Variants in ARPP21 observed in about 807,000 individuals in gnomAD.
ARPP21 encodes cAMP-regulated phosphoprotein 21.
Under a neutral mutation model 113.2 loss-of-function variants are expected in ARPP21, and 69 were observed. The ratio of observed to expected loss-of-function variants is 0.61; its 90% confidence interval spans 0.50 to 0.74. ARPP21 has a LOEUF of 0.74. ARPP21 is among the 30% of genes least tolerant of loss of function. ARPP21 has a pLI of 0.00. For missense variants in ARPP21, 1,070 were observed against 1,037.4 expected (o/e 1.03, Z -0.43); for synonymous variants, 368 against 375.5 (o/e 0.98, Z 0.23).
intron 1 of ARPP21, among the ~76,000 whole-genome samples, chr3:35,660,643 A>T (rs7630097): frequency 1.9e-3 from 285 of 152,286 alleles, no homozygotes; most frequent in African/African-American, 6.6e-3. Context: ...TAAGATAATG[A>T]CTAACTTCAT....
At chr3:35,791,354 A>G (rs1423242430) in intron 19 of ARPP21, among the ~76,000 whole-genome samples, 1 of 152,188 alleles carries the variant, frequency 6.6e-6, no homozygotes, top group African/African-American at 2.4e-5. Flanking sequence ...CTCTCAGAGA[A>G]TTGTATTAAG....
At chr3:35,751,450 T>C (rs983447812) in intron 19 of ARPP21, among the ~76,000 whole-genome samples, 1 of 152,128 alleles carries the variant, frequency 6.6e-6, no homozygotes, top group Non-Finnish European at 1.5e-5. Flanking sequence ...TGATTTAATG[T>C]ACCTCTGTTC....
intron 19 of ARPP21, among the ~76,000 whole-genome samples, chr3:35,791,654 C>T (rs1173873272): frequency 6.6e-6 from 1 of 152,012 alleles, no homozygotes; most frequent in Non-Finnish European, 1.5e-5. Flanking sequence ...AACTGACCCA[C>T]CCAGAAAGAC....
intron 19 of ARPP21, chr3:35,744,577 C>T: frequency 2.0e-6 from 1 of 512,702 alleles, no homozygotes; most frequent in Non-Finnish European, 4.0e-6. Context: ...TAATGGAATG[C>T]CGTTATCCAA....
intron 5 of ARPP21, among the ~76,000 whole-genome samples, chr3:35,687,289 A>G (rs184052325): frequency 3.3e-5 from 5 of 151,076 alleles, no homozygotes; most frequent in Admixed American, 2.0e-4. Context: ...TGTCTGTTCT[A>G]TTTGTAATTA....
intron 19 of ARPP21, among the ~76,000 whole-genome samples, chr3:35,750,443 T>A (rs944701298): frequency 6.6e-6 from 1 of 152,168 alleles, no homozygotes; most frequent in Non-Finnish European, 1.5e-5. Flanking sequence ...TCTGTATGAT[T>A]TCAGTTCTTA....
chr3:35,793,466 C>A (rs1303518508), intron 20 of ARPP21, among the ~76,000 whole-genome samples: 3 of 152,186 alleles, frequency 2.0e-5, no homozygotes. Flanking sequence ...TACACCATCC[C>A]TTCAATCCTT....
At chr3:35,750,534 A>G (rs2095364407) in intron 19 of ARPP21, among the ~76,000 whole-genome samples, 1 of 152,156 alleles carries the variant, frequency 6.6e-6, no homozygotes, top group African/African-American at 2.4e-5. Context: ...AACACTGGGT[A>G]TTCTGTGGTT....
chr3:35,737,323 G>A lies in ARPP21; in HGVS notation c.1605G>A (p.Gln535=). 6.2e-7 allele frequency: 1 copy of A among 1,611,612 alleles called. No homozygotes were observed. Among genetic ancestry groups the A allele is most frequent in the South Asian group, 1.1e-5 (1 of 90,632 alleles). Residue 535 remains glutamine, a synonymous_variant, in exon 16 of 21, where the codon CAG becomes CAA. Transcript: ENST00000684406. ...QPSPQPQQQV[Q]PPQPQMAGPL... ...CCCCGCAGCCCCAACAGCAGGTCCA[G>A]CCACCGCAGCCACAGATGGCAGGCC...
intron 19 of ARPP21, among the ~76,000 whole-genome samples, chr3:35,791,438 C>T (rs566232185): frequency 1.3e-5 from 2 of 152,110 alleles, no homozygotes; most frequent in African/African-American, 4.8e-5. Context: ...TATTATACAG[C>T]ATAAAATGAA....
intron 11 of ARPP21, among the ~76,000 whole-genome samples, chr3:35,709,667 T>C (rs2090415582): frequency 1.3e-5 from 2 of 152,132 alleles, no homozygotes. Flanking sequence ...TTACCCACTA[T>C]GGTCAAGATA....
chr3:35,647,808 T>C (rs1428308905), intron 1 of ARPP21, among the ~76,000 whole-genome samples: 2 of 152,176 alleles, frequency 1.3e-5, no homozygotes, highest in East Asian at 3.9e-4. Flanking sequence ...AACAACTTGC[T>C]AGTTGTGTGA....
intron 11 of ARPP21, 45 bp downstream of exon 11, chr3:35,709,115 A>C: frequency 7.6e-7 from 1 of 1,318,900 alleles, no homozygotes; most frequent in Non-Finnish European, 1.1e-6. Flanking sequence ...TCCTTCCAAC[A>C]GCAGTAAGGC....
chr3:35,673,729 G>A (rs547390819), intron 1 of ARPP21, among the ~76,000 whole-genome samples: 3 of 151,834 alleles, frequency 2.0e-5, no homozygotes, highest in South Asian at 4.2e-4. Context: ...AACTTTCTTT[G>A]AGAAAGGTTT....
rs540747788 is a variant in ARPP21, at chr3:35,668,373, AAT to A, written c.-212-11413_-212-11412del. Among the ~76,000 whole-genome samples, 33 of 152,210 alleles carry A rather than the reference AAT, an allele frequency of 2.2e-4. No individual in the cohort carries two copies. In the South Asian group the frequency reaches 5.8e-3, roughly 27 times the overall value. On this transcript the variant is annotated intron_variant, in intron 1 of 20. Transcript: ENST00000684406. ...TGGATTGCCAGTAGAGCAAATAGCC[AAT>A]GTAGTCCACTGGCTGGCATGCTATC...
At position 35,728,818 on chromosome 3, in the gene ARPP21, T is replaced by G. The variant is rs79167042; in HGVS notation, c.1226-485T>G. ...TAGGCCCCTTCAGACTTCAGCTGTATAGGTGTCGGAGAACCAGTACTTCAG... is the reference window on the plus strand; with the variant it reads ...TAGGCCCCTTCAGACTTCAGCTGTAGAGGTGTCGGAGAACCAGTACTTCAG... On this transcript the variant is annotated intron_variant, in intron 14 of 20. Coordinates refer to ENST00000684406, the MANE Select transcript of ARPP21 (RefSeq NM_001385562.1). Among the ~76,000 whole-genome samples the G allele has an allele frequency of 7.9e-5, 12 of 152,318 alleles. 1 individual carries two copies. Among genetic ancestry groups the G allele is most frequent in the Middle Eastern group, 6.8e-3 (2 of 294 alleles).
chr3:35,751,647 TG>T (rs1371093175), intron 19 of ARPP21, among the ~76,000 whole-genome samples: 2 of 152,154 alleles, frequency 1.3e-5, no homozygotes, highest in Non-Finnish European at 2.9e-5. Flanking sequence ...GAATGAGATA[TG>T]AGTACTATGA....
At chr3:35,792,251 A>G (rs191432207) in intron 19 of ARPP21, 131 bp from the exon 20 acceptor site, 320 of 730,820 alleles carry the variant, frequency 4.4e-4, no homozygotes, top group Non-Finnish European at 6.7e-4. Flanking sequence ...GGGAATAAAC[A>G]TCTGATAACA....
At chr3:35,741,279 G>C (rs956194870) in intron 18 of ARPP21, among the ~76,000 whole-genome samples, 3 of 152,172 alleles carry the variant, frequency 2.0e-5, no homozygotes, top group Admixed American at 1.3e-4. Context: ...AAGATAGAAA[G>C]AGAGGGAGAT....
Sources: gnomAD v4.1 joint callset for allele counts (sites outside exome capture counted in the v4.1 genomes callset) on GRCh38, gnomAD v4.1.1 for gene constraint, MANE v1.5 for transcripts, NCBI Gene and HGNC (gene_info 2026-07-23, HGNC 2026-07-21) for gene names.